PRKG1: variants seen among roughly 807,000 people sequenced by gnomAD.
PRKG1 encodes cGMP-dependent protein kinase 1.
PRKG1 carries 35 observed loss-of-function variants against 88.1 expected under a neutral mutation model. The observed-to-expected ratio is 0.40, with a 90% CI of 0.30 to 0.53. The LOEUF (loss-of-function observed/expected upper bound fraction) is 0.53. PRKG1 is among the 20% of genes least tolerant of loss of function. PRKG1 has a pLI of 0.59. For synonymous variants in PRKG1, 303 were observed against 292.5 expected (o/e 1.04, Z -0.37); for missense variants, 540 against 839.8 (o/e 0.64, Z 4.41).
intron 4 of PRKG1, among the ~76,000 whole-genome samples, chr10:51,854,369 G>C (rs1840629378): frequency 6.6e-6 from 1 of 152,020 alleles, no homozygotes; most frequent in Non-Finnish European, 1.5e-5. Context: ...GCAGTGTTTG[G>C]GGACAGGGCA....
upstream of PRKG1, among the ~76,000 whole-genome samples, chr10:51,071,138 G>A (rs185012091): frequency 3.1e-4 from 47 of 152,288 alleles, no homozygotes; most frequent in African/African-American, 1.1e-3. Flanking sequence ...TAATTTGTCT[G>A]TTAAGACGTA....
intron 9 of PRKG1, among the ~76,000 whole-genome samples, chr10:52,166,916 C>CACAT (rs1270668081): frequency 0.038 from 4,836 of 127,484 alleles, 365 homozygotes; most frequent in African/African-American, 0.14. Flanking sequence ...CACACACACA[C>CACAT]ATATATATAA....
chr10:51,602,740 G>A (rs1261821174), intron 3 of PRKG1, among the ~76,000 whole-genome samples: 2,004 of 45,968 alleles, frequency 0.044, 81 homozygotes, highest in East Asian at 0.26. Flanking sequence ...ATATGTGTGT[G>A]TGTGTGTGTG....
chr10:52,219,576 C>T (rs893428900), intron 9 of PRKG1, among the ~76,000 whole-genome samples: 19 of 152,134 alleles, frequency 1.2e-4, no homozygotes, highest in African/African-American at 4.1e-4. Context: ...AACAAAGTGC[C>T]TCAAGTAAAC....
At chr10:51,765,596 T>G (rs1937723) in intron 3 of PRKG1, among the ~76,000 whole-genome samples, 67,412 of 151,992 alleles carry the variant, frequency 0.44, 15,822 homozygotes, top group Middle Eastern at 0.56. Flanking sequence ...AAGTGTATAT[T>G]TAATTAATAA....
intron 2 of PRKG1, among the ~76,000 whole-genome samples, chr10:51,222,846 A>C (rs1838585809): frequency 6.6e-6 from 1 of 152,196 alleles, no homozygotes; most frequent in Non-Finnish European, 1.5e-5. Flanking sequence ...GGTGTATGGA[A>C]ATATAATTGA....
chr10:51,942,652 G>A (rs1213169614), intron 5 of PRKG1, among the ~76,000 whole-genome samples: 1 of 147,964 alleles, frequency 6.8e-6, no homozygotes, highest in African/African-American at 2.6e-5. Context: ...AAGGGATCCA[G>A]TTTCAGCTTT....
chr10:51,944,814 G>A (rs1283941362), intron 5 of PRKG1, among the ~76,000 whole-genome samples: 1 of 152,038 alleles, frequency 6.6e-6, no homozygotes, highest in Admixed American at 6.5e-5. Context: ...ACTGTGGTCT[G>A]AGAGATAGTT....
intron 5 of PRKG1, chr10:51,908,159 A>T (rs1842126409): frequency 6.6e-6 from 1 of 152,214 alleles, no homozygotes; most frequent in South Asian, 2.1e-4. Flanking sequence ...TTTATACGGA[A>T]TGTAGTCTAA....
intron 3 of PRKG1, among the ~76,000 whole-genome samples, chr10:51,673,394 A>C (rs1478281223): frequency 6.6e-6 from 1 of 152,206 alleles, no homozygotes; most frequent in Non-Finnish European, 1.5e-5. Context: ...ATCTGGATGG[A>C]ATAGACACAA....
chr10:52,020,534 G>T (rs1845156872), intron 5 of PRKG1, among the ~76,000 whole-genome samples: 1 of 152,132 alleles, frequency 6.6e-6, no homozygotes, highest in Non-Finnish European at 1.5e-5. Flanking sequence ...AAAGGCTTTA[G>T]AACAGGAAAG....
At chr10:51,464,945 G>A (rs931654519) in intron 2 of PRKG1, among the ~76,000 whole-genome samples, 35 of 151,498 alleles carry the variant, frequency 2.3e-4, no homozygotes, top group Admixed American at 5.3e-4. Flanking sequence ...AACCAGAAGT[G>A]AGCTTGTGCA....
chr10:51,526,525 A>AT (rs1205043690), intron 3 of PRKG1, among the ~76,000 whole-genome samples: 3 of 152,180 alleles, frequency 2.0e-5, no homozygotes, highest in African/African-American at 7.2e-5. Context: ...GAGTTTTCCA[A>AT]TGTACCCTTC....
chr10:52,166,793 A>ATATATATATATGTG (rs1489545159), intron 9 of PRKG1, among the ~76,000 whole-genome samples: 2 of 8,386 alleles, frequency 2.4e-4, no homozygotes, highest in Non-Finnish European at 1.5e-3. Flanking sequence ...AAGCCTATAT[A>ATATATATATATGTG]TATACATATA....
intron 1 of PRKG1, among the ~76,000 whole-genome samples, chr10:51,130,471 C>G (rs1589178012): frequency 6.6e-6 from 1 of 152,180 alleles, no homozygotes; most frequent in Admixed American, 6.5e-5. Flanking sequence ...ATTTCTTGGT[C>G]TGCTCATTTA....
chr10:51,399,652 A>G (rs575449067), intron 2 of PRKG1, among the ~76,000 whole-genome samples: 3 of 152,320 alleles, frequency 2.0e-5, no homozygotes, highest in African/African-American at 7.2e-5. Context: ...CTTAGTAGGT[A>G]GGCATGACCC....
intron 4 of PRKG1, among the ~76,000 whole-genome samples, chr10:51,843,001 T>C (rs1408902890): frequency 6.6e-6 from 1 of 151,722 alleles, no homozygotes; most frequent in African/African-American, 2.4e-5. Context: ...GGTCAGATGG[T>C]CATTATGAAT....
intron 9 of PRKG1, among the ~76,000 whole-genome samples, chr10:52,184,044 T>C (rs184772857): frequency 1.3e-5 from 2 of 152,318 alleles, no homozygotes; most frequent in Admixed American, 1.3e-4. Context: ...CCAGTCACCA[T>C]GGGTGCCTCA....
intron 2 of PRKG1, among the ~76,000 whole-genome samples, chr10:51,253,462 T>G (rs1198094109): frequency 6.6e-6 from 1 of 151,870 alleles, no homozygotes; most frequent in Non-Finnish European, 1.5e-5. Context: ...CCAATAGACA[T>G]CCCCTTCTAC....
Sources: gnomAD v4.1 joint callset for allele counts (sites outside exome capture counted in the v4.1 genomes callset) on GRCh38, gnomAD v4.1.1 for gene constraint, MANE v1.5 for transcripts, NCBI Gene and HGNC (gene_info 2026-07-23, HGNC 2026-07-21) for gene names.